DLG2: variants seen among roughly 807,000 people sequenced by gnomAD.
The protein encoded by DLG2 is discs large MAGUK scaffold protein 2.
Under a neutral mutation model 132.5 loss-of-function variants are expected in DLG2, and 45 were observed. The ratio of observed to expected loss-of-function variants is 0.34; its 90% CI spans 0.27 to 0.44. The LOEUF is 0.44. Ranked by LOEUF, DLG2 falls within the 20% of genes least tolerant of loss-of-function variation. The probability of loss-of-function intolerance (pLI) is 1.00; values close to 1 mark genes in which losing one functional copy is unlikely to be tolerated. For synonymous variants in DLG2, 424 were observed against 419.6 expected, an observed-to-expected ratio of 1.01 and a Z score of -0.13; for missense variants, 1,045 against 1,196.9, an observed-to-expected ratio of 0.87 and a Z score of 1.87.
chr11:85,172,732 AC>A (rs2078963247), intron 4 of DLG2, among the ~76,000 whole-genome samples: 1 of 152,198 alleles, frequency 6.6e-6, no homozygotes, highest in African/African-American at 2.4e-5. Flanking sequence ...TCATGATGAA[AC>A]AATACAAGAC....
At chr11:85,466,087 G>T (rs2092778712) in intron 3 of DLG2, among the ~76,000 whole-genome samples, 1 of 152,164 alleles carries the variant, frequency 6.6e-6, no homozygotes, top group African/African-American at 2.4e-5. Context: ...TGTGTCTTTT[G>T]ACTACATAAA....
chr11:84,682,058 T>C (rs996158657), intron 6 of DLG2, among the ~76,000 whole-genome samples: 14 of 151,994 alleles, frequency 9.2e-5, no homozygotes, highest in African/African-American at 3.4e-4. Context: ...CCAGTTCTTA[T>C]GGGAAGTAAC....
chr11:85,557,175 C>G (rs2076987323), intron 3 of DLG2, among the ~76,000 whole-genome samples: 1 of 151,590 alleles, frequency 6.6e-6, no homozygotes, highest in Admixed American at 6.6e-5. Context: ...AACTGAGAAA[C>G]AAATCAAGAA....
chr11:83,823,621 C>T (rs767752083), intron 17 of DLG2, among the ~76,000 whole-genome samples: 11 of 152,040 alleles, frequency 7.2e-5, no homozygotes, highest in Non-Finnish European at 1.0e-4. Context: ...TTTCCAACTG[C>T]CTTCAGAGAA....
intron 6 of DLG2, among the ~76,000 whole-genome samples, chr11:84,795,352 T>C (rs554113627): frequency 2.0e-5 from 3 of 152,162 alleles, no homozygotes; most frequent in East Asian, 1.9e-4. Flanking sequence ...GGACAGGAGC[T>C]ACCCACTGTG....
intron 3 of DLG2, among the ~76,000 whole-genome samples, chr11:85,343,237 C>A (rs1416131177): frequency 6.6e-6 from 1 of 152,176 alleles, no homozygotes; most frequent in South Asian, 2.1e-4. Context: ...CCATTATTTC[C>A]CATTTTTTCC....
intron 18 of DLG2, among the ~76,000 whole-genome samples, chr11:83,740,554 C>T (rs903553072): frequency 6.6e-5 from 10 of 152,160 alleles, no homozygotes; most frequent in African/African-American, 2.2e-4. Flanking sequence ...CTCTCCTCAT[C>T]TGAGTGGTGA....
intron 7 of DLG2, among the ~76,000 whole-genome samples, chr11:84,329,064 ATGCAGGATATCCCT>A (rs575192147): frequency 9.8e-4 from 150 of 152,316 alleles, no homozygotes; most frequent in South Asian, 9.3e-3. Context: ...CAGAAACAAC[ATGCAGGATATCCCT>A]TGCTATTGAA....
chr11:84,502,423 G>C (rs1282384994), intron 7 of DLG2, among the ~76,000 whole-genome samples: 1 of 117,550 alleles, frequency 8.5e-6, no homozygotes, highest in East Asian at 2.6e-4. Context: ...TCTATACAGA[G>C]TCTCATGCTG....
intron 3 of DLG2, among the ~76,000 whole-genome samples, chr11:85,428,544 A>G (rs555401907): frequency 5.9e-5 from 9 of 152,352 alleles, no homozygotes; most frequent in African/African-American, 1.9e-4. Flanking sequence ...ACATAATGAA[A>G]TGAAGGCAGA....
chr11:84,628,765 A>T (rs2099626967), intron 6 of DLG2, among the ~76,000 whole-genome samples: 1 of 152,156 alleles, frequency 6.6e-6, no homozygotes, highest in Non-Finnish European at 1.5e-5. Context: ...TTTATGTTTA[A>T]CTTCTTTATA....
chr11:84,018,908 T>C (rs2095302704), intron 11 of DLG2, among the ~76,000 whole-genome samples: 1 of 151,606 alleles, frequency 6.6e-6, no homozygotes, highest in African/African-American at 2.4e-5. Flanking sequence ...GAATAGAGCA[T>C]CCAGCTTAAA....
rs2153797946 is a variant in DLG2, at chr11:84,721,506, T to C, written c.358-186775A>G. 2.0e-5 allele frequency among the ~76,000 whole-genome samples: 3 copies of C among 151,736 alleles called. No individual in the cohort carries two copies. The Middle Eastern group carries it at 0.01, about 520-fold the overall frequency. On this transcript the variant is annotated intron_variant, in intron 6 of 27. Transcript: ENST00000376104. ...ATGGATGTTTTATTGTTTGTTTGTT[T>C]TTTTGTTTTTAACTGAGGCTGTCAA...
At chr11:85,460,587 G>T (rs1384933961) in intron 3 of DLG2, among the ~76,000 whole-genome samples, 1 of 152,190 alleles carries the variant, frequency 6.6e-6, no homozygotes, top group Non-Finnish European at 1.5e-5. Flanking sequence ...AGATGTTCCA[G>T]TTGAAGATAC....
intron 3 of DLG2, among the ~76,000 whole-genome samples, chr11:85,338,050 A>G (rs2082246965): frequency 6.6e-6 from 1 of 152,212 alleles, no homozygotes; most frequent in Non-Finnish European, 1.5e-5. Context: ...TAAGAAATAT[A>G]AGAGAGACAC....
chr11:84,050,326 A>G (rs1302697992), intron 11 of DLG2, among the ~76,000 whole-genome samples: 1 of 151,920 alleles, frequency 6.6e-6, no homozygotes, highest in African/African-American at 2.4e-5. Context: ...TCTTCTTTTG[A>G]GAAGTGTCTG....
At chr11:83,782,590 T>G (rs2094876966) in intron 18 of DLG2, among the ~76,000 whole-genome samples, 1 of 152,158 alleles carries the variant, frequency 6.6e-6, no homozygotes, top group South Asian at 2.1e-4. Context: ...GTAGGAATCC[T>G]GCAGGTGGAA....
intron 14 of DLG2, among the ~76,000 whole-genome samples, chr11:83,948,829 G>C (rs997768300): frequency 1.1e-4 from 16 of 152,174 alleles, no homozygotes; most frequent in African/African-American, 3.9e-4. Context: ...TTACCTCATG[G>C]AGTGATGGGA....
intron 5 of DLG2, among the ~76,000 whole-genome samples, chr11:85,150,234 A>G (rs2077146314): frequency 6.6e-6 from 1 of 151,826 alleles, no homozygotes; most frequent in South Asian, 2.1e-4. Flanking sequence ...GTTAGCCAGG[A>G]AGGTCTCGAT....
Sources: allele counts gnomAD v4.1 joint callset (sites outside exome capture counted in the v4.1 genomes callset), GRCh38; gene constraint gnomAD v4.1.1; transcripts MANE v1.5; gene names NCBI Gene and HGNC (gene_info 2026-07-23, HGNC 2026-07-21).